ARHGAP44: variants seen among roughly 807,000 people sequenced by gnomAD.
The protein encoded by ARHGAP44 is rho GTPase-activating protein 44.
A neutral mutation model predicts 106.8 loss-of-function variants in ARHGAP44; 43 were observed. The observed-to-expected ratio is 0.40, with a 90% CI of 0.32 to 0.52. The LOEUF (loss-of-function observed/expected upper bound fraction) is 0.52. Ranked by LOEUF, ARHGAP44 falls within the 20% of genes least tolerant of loss-of-function variation. The pLI is 0.48. For missense variants in ARHGAP44, 866 were observed against 1,050.5 expected (o/e 0.82, Z 2.43); for synonymous variants, 439 against 410.3 (o/e 1.07, Z -0.85).
chr17:12,845,773 T>C (rs2035553327), intron 1 of ARHGAP44, among the ~76,000 whole-genome samples: 1 of 152,208 alleles, frequency 6.6e-6, no homozygotes, highest in Admixed American at 6.5e-5. Context: ...ATAATGTAAC[T>C]GTACTAACAA....
At position 12,857,603 on chromosome 17, in the gene ARHGAP44, G is replaced by A. The variant is rs1010563948; in HGVS notation, c.54-37337G>A. ...TAAGTTTCCAGCACATGAAAGTTGG[G>A]GAAGAAAAAGATGGCCTTCCCATGC... On this transcript the variant is annotated intron_variant, in intron 1 of 20. Transcript: ENST00000379672. 2.6e-4 allele frequency among the ~76,000 whole-genome samples: 40 copies of A among 152,112 alleles called. 1 individual carries two copies. The highest frequency in any genetic ancestry group is 1.4e-3 in the Admixed American group (22 of 15,262).
intron 1 of ARHGAP44, among the ~76,000 whole-genome samples, chr17:12,850,671 G>A (rs575307019): frequency 3.3e-4 from 50 of 152,152 alleles, no homozygotes; most frequent in Non-Finnish European, 6.5e-4. Context: ...ATCTCCCGCT[G>A]ATGTCCACCT....
chr17:12,789,864 G>T lies in ARHGAP44; in HGVS notation c.26G>T (p.Arg9Leu). The change falls in exon 1 of 21, where the codon CGC becomes CTC. Residue 9 changes from arginine (R) to leucine (L), a missense_variant. Physicochemically the swap from Arg to Leu is moderately radical, Grantham distance 102. Coordinates refer to ENST00000379672, the MANE Select transcript of ARHGAP44 (RefSeq NM_014859.6). The part of the protein sequence containing the change: MKKQFNRM[R>L]QLANQTVGRA... The stretch of plus-strand genomic sequence containing the variant: ...ATGAAGAAGCAGTTCAATCGCATGC[G>T]CCAGCTGGCCAACCAGACGGTGGGC... 6.6e-7 allele frequency: 1 copy of T among 1,520,922 alleles called. No individual in the cohort carries two copies. Among genetic ancestry groups the T allele is most frequent in the Non-Finnish European group, 8.8e-7 (1 of 1,138,026 alleles). 94.2% of individuals were successfully genotyped at this position (1,520,922 alleles called of 1,614,324 possible).
At chr17:12,845,871 A>C (rs2035555915) in intron 1 of ARHGAP44, among the ~76,000 whole-genome samples, 1 of 152,236 alleles carries the variant, frequency 6.6e-6, no homozygotes, top group South Asian at 2.1e-4. Context: ...AGCAAATTTC[A>C]GTGGAATACC....
At chr17:12,974,020 T>G (rs1447931571) in intron 17 of ARHGAP44, 69 bp from the exon 18 acceptor site, 6 of 1,468,918 alleles carry the variant, frequency 4.1e-6, no homozygotes, top group African/African-American at 2.8e-5. Context: ...TGCTTGAATG[T>G]GGGGGAGGGA....
In ARHGAP44 at chr17:12,825,328, C is replaced by T. The variant is rs141642719; in HGVS notation, c.53+35437C>T. 9.5e-3 allele frequency among the ~76,000 whole-genome samples: 1,216 copies of T among 127,392 alleles called. 9 individuals are homozygous for T. Among genetic ancestry groups the T allele is most frequent in the Non-Finnish European group, 0.012 (770 of 65,564 alleles). The allele number at this position is 127,392 out of a possible 152,430, so 83.6% of individuals were successfully genotyped here. ...GCTGGGATTACAGCATGAGCCACTG[C>T]TCCCAGCCCTTGATTACTAATTTTT... is the stretch of plus-strand genomic sequence containing the variant. On this transcript the variant is annotated intron_variant, in intron 1 of 20. Transcript: ENST00000379672.
chr17:12,790,828 G>A (rs972466391), intron 1 of ARHGAP44: 1 of 152,156 alleles, frequency 6.6e-6, no homozygotes, highest in Non-Finnish European at 1.5e-5. Context: ...GATTTTTCCT[G>A]GAACCCCTAC....
At chr17:12,813,662 A>T (rs919847418) in intron 1 of ARHGAP44, among the ~76,000 whole-genome samples, 1 of 152,196 alleles carries the variant, frequency 6.6e-6, no homozygotes, top group African/African-American at 2.4e-5. Context: ...GATGCTCAGT[A>T]ACAGGAATGG....
chr17:12,894,396 A>G lies in ARHGAP44; in HGVS notation c.54-544A>G, dbSNP rs866792253. Among the ~76,000 whole-genome samples, 2 of 152,012 alleles carry G rather than the reference A, an allele frequency of 1.3e-5. 1 individual carries two copies. The highest frequency in any genetic ancestry group is 2.9e-5 in the Non-Finnish European group (2 of 68,018). On this transcript the variant is annotated intron_variant, in intron 1 of 20. Transcript: ENST00000379672. ...CTCTGACATGAGGCAGGCAGTGCTA[A>G]TGGGTTAGCTGGGACCAGTTCCTCC...
chr17:12,944,180 G>A lies in ARHGAP44; in HGVS notation c.845G>A (p.Cys282Tyr). ...GCGTGTGTGACCATGCTGCTTGAGT[G>A]TGGGATGCAGGAGGAGGTAGGTCTG... The part of the protein sequence containing the change: ...IEACVTMLLE[C>Y]GMQEEGLFRV... Residue 282 changes from cysteine (C) to tyrosine (Y), a missense_variant, in exon 10 of 21, where the codon TGT (cysteine) becomes TAT (tyrosine). Cys to Tyr is a radical substitution (Grantham distance 194, BLOSUM62 -2). This residue lies in a region of ARHGAP44 where 448 missense variants were observed against 646.9 expected (regional missense o/e 0.69). Transcript: ENST00000379672. 6.2e-7 allele frequency: 1 copy of A among 1,610,640 alleles called. No individual in the cohort carries two copies. Among genetic ancestry groups the A allele is most frequent in the Middle Eastern group, 1.7e-4 (1 of 6,028 alleles).
intron 1 of ARHGAP44, among the ~76,000 whole-genome samples, chr17:12,888,162 T>C (rs1246984780): frequency 6.6e-6 from 1 of 152,126 alleles, no homozygotes; most frequent in Admixed American, 6.5e-5. Context: ...CTTTGGACTT[T>C]ATTTGGTCTT....
In ARHGAP44 at chr17:12,980,255, C is replaced by T. The variant is rs200320449; in HGVS notation, c.1939+22C>T. The T allele has an allele frequency of 4.4e-6, 7 of 1,591,202 alleles. No homozygotes were observed. In the Admixed American group the frequency reaches 8.9e-5, roughly 20 times the overall value. ...AAAGGTATGGCCCTGCTTCCCTTCT[C>T]CTTGGTCTCAGGCCGGAGGTGGCTG... On this transcript the variant is annotated intron_variant, in intron 19 of 20. Coordinates refer to ENST00000379672, the MANE Select transcript of ARHGAP44 (RefSeq NM_014859.6).
chr17:12,865,279 C>CA (rs200548412), intron 1 of ARHGAP44, among the ~76,000 whole-genome samples: 65 of 151,104 alleles, frequency 4.3e-4, no homozygotes, highest in African/African-American at 1.3e-3. Context: ...ATGATTTATA[C>CA]AAAAAAAAAT....
chr17:12,941,242 A>G, intron 8 of ARHGAP44, 118 bp downstream of exon 8: 1 of 848,658 alleles, frequency 1.2e-6, no homozygotes, highest in South Asian at 1.8e-5. Flanking sequence ...AGCTTTGACC[A>G]TTTTACTAGT....
At chr17:12,860,385 A>G (rs546225144) in intron 1 of ARHGAP44, among the ~76,000 whole-genome samples, 19 of 152,310 alleles carry the variant, frequency 1.2e-4, no homozygotes, top group African/African-American at 4.6e-4. Flanking sequence ...CAGGCTTGTT[A>G]TATAGCACCC....
At chr17:12,793,717 A>C (rs914249912) in intron 1 of ARHGAP44, among the ~76,000 whole-genome samples, 3 of 152,126 alleles carry the variant, frequency 2.0e-5, no homozygotes, top group African/African-American at 4.8e-5. Context: ...CACACAAAAA[A>C]AAAAAAAGGA....
intron 1 of ARHGAP44, among the ~76,000 whole-genome samples, chr17:12,862,978 T>C (rs2036131061): frequency 1.3e-5 from 2 of 150,328 alleles, no homozygotes; most frequent in South Asian, 4.2e-4. Flanking sequence ...TGAGACCCTG[T>C]CTATTAAAAA....
intron 16 of ARHGAP44, among the ~76,000 whole-genome samples, chr17:12,963,924 C>G (rs1293454564): frequency 6.6e-6 from 1 of 152,184 alleles, no homozygotes; most frequent in Non-Finnish European, 1.5e-5. Context: ...TTGGGAACTA[C>G]TGAATAATTT....
chr17:12,977,172 C>G (rs534048197), intron 18 of ARHGAP44, among the ~76,000 whole-genome samples: 1 of 152,056 alleles, frequency 6.6e-6, no homozygotes, highest in East Asian at 1.9e-4. Context: ...ATGTCTTTCC[C>G]CTTTGCCCGG....
Sources: allele counts gnomAD v4.1 joint callset (sites outside exome capture counted in the v4.1 genomes callset), GRCh38; gene constraint gnomAD v4.1.1; regional missense constraint gnomAD v4.1.1; transcripts MANE v1.5; gene names NCBI Gene and HGNC (gene_info 2026-07-23, HGNC 2026-07-21).